PTPRD: variants seen among roughly 807,000 people sequenced by gnomAD.
PTPRD encodes the protein protein tyrosine phosphatase receptor type D, also known as receptor-type tyrosine-protein phosphatase delta.
PTPRD carries 34 observed loss-of-function variants against 214.5 expected under a neutral mutation model. The observed-to-expected ratio is 0.16, with a 90% CI of 0.12 to 0.21. The LOEUF (loss-of-function observed/expected upper bound fraction) is 0.21. PTPRD is among the 10% of genes least tolerant of loss of function. PTPRD has a pLI of 1.00. For synonymous variants in PTPRD, 1,128 were observed against 845.7 expected, an observed-to-expected ratio of 1.33 and a Z score of -5.79; for missense variants, 2,545 against 2,398.7, an observed-to-expected ratio of 1.06 and a Z score of -1.27.
intron 3 of PTPRD, among the ~76,000 whole-genome samples, chr9:10,287,058 A>ATTTTC (rs2095379802): frequency 6.6e-6 from 1 of 152,196 alleles, no homozygotes; most frequent in Admixed American, 6.5e-5. Context: ...GAAGATAGAA[A>ATTTTC]ACATTGCCAA....
At chr9:9,622,187 C>A (rs770068505) in intron 7 of PTPRD, among the ~76,000 whole-genome samples, 1 of 152,142 alleles carries the variant, frequency 6.6e-6, no homozygotes, top group Non-Finnish European at 1.5e-5. Context: ...ATTAGACCTG[C>A]TATGTTCAAC....
At chr9:8,406,885 C>G (rs1053315457) in intron 35 of PTPRD, among the ~76,000 whole-genome samples, 2 of 152,162 alleles carry the variant, frequency 1.3e-5, no homozygotes, top group Non-Finnish European at 2.9e-5. Context: ...TCTTACACAT[C>G]ATTTAAACAT....
intron 2 of PTPRD, among the ~76,000 whole-genome samples, chr9:10,506,743 C>T (rs141839355): frequency 6.6e-6 from 1 of 152,178 alleles, no homozygotes; most frequent in East Asian, 1.9e-4. Flanking sequence ...TCTTTCATGG[C>T]CTTCACTCTG....
At chr9:8,941,344 C>G (rs539308810) in intron 11 of PTPRD, among the ~76,000 whole-genome samples, 63 of 152,134 alleles carry the variant, frequency 4.1e-4, no homozygotes, top group South Asian at 2.1e-4. Context: ...AAATTACACA[C>G]GTATGTGAAA....
intron 36 of PTPRD, among the ~76,000 whole-genome samples, chr9:8,394,934 T>G (rs2090687545): frequency 6.6e-6 from 1 of 151,972 alleles, no homozygotes; most frequent in Non-Finnish European, 1.5e-5. Flanking sequence ...TCCTTGGACT[T>G]TAGCGGGTGA....
At chr9:10,278,019 G>A (rs1365621722) in intron 3 of PTPRD, among the ~76,000 whole-genome samples, 1 of 152,084 alleles carries the variant, frequency 6.6e-6, no homozygotes, top group Non-Finnish European at 1.5e-5. Flanking sequence ...AATTGGCCGG[G>A]TGTGGTGGCG....
intron 9 of PTPRD, among the ~76,000 whole-genome samples, chr9:9,295,827 CG>C (rs1952810112): frequency 6.6e-6 from 1 of 151,776 alleles, no homozygotes; most frequent in Admixed American, 6.6e-5. Context: ...ATCAGGGCTT[CG>C]AAGCATAATT....
At chr9:9,467,851 T>A (rs1245009580) in intron 8 of PTPRD, among the ~76,000 whole-genome samples, 3 of 152,150 alleles carry the variant, frequency 2.0e-5, no homozygotes, top group Non-Finnish European at 4.4e-5. Context: ...TTTCTGTAAA[T>A]CTAATTGGTA....
At position 8,781,447 on chromosome 9, in the gene PTPRD, C is replaced by T. The variant is rs906044278; in HGVS notation, c.-103-47501G>A. ...AAAGACACAGTCAGGAGACCTGTGTCCTAGCTGAGAAAAAGATATGTCAAA... is the reference window on the plus strand; with the variant it reads ...AAAGACACAGTCAGGAGACCTGTGTTCTAGCTGAGAAAAAGATATGTCAAA... On this transcript the variant is annotated intron_variant, in intron 11 of 45. Coordinates refer to ENST00000381196, the MANE Select transcript of PTPRD (RefSeq NM_002839.4). Among the ~76,000 whole-genome samples, 11 of 152,138 alleles carry T rather than the reference C, an allele frequency of 7.2e-5. 1 individual carries two copies. The highest frequency in any genetic ancestry group is 3.4e-3 in the Middle Eastern group (1 of 294).
At chr9:10,598,741 T>G (rs1011224958) in intron 2 of PTPRD, among the ~76,000 whole-genome samples, 4 of 147,286 alleles carry the variant, frequency 2.7e-5, no homozygotes, top group Non-Finnish European at 6.0e-5. Context: ...TGTAGATGGA[T>G]AGACAGAGAG....
At chr9:10,520,395 T>A (rs1033731264) in intron 2 of PTPRD, among the ~76,000 whole-genome samples, 2 of 151,998 alleles carry the variant, frequency 1.3e-5, no homozygotes, top group Non-Finnish European at 2.9e-5. Context: ...AAGAAGAAAA[T>A]CTTGAAACTA....
intron 2 of PTPRD, among the ~76,000 whole-genome samples, chr9:10,472,807 T>C (rs994862003): frequency 1.3e-5 from 2 of 151,942 alleles, no homozygotes; most frequent in African/African-American, 2.4e-5. Context: ...ACCTAAATCA[T>C]TACTTACTGA....
chr9:9,340,845 T>G (rs894801541), intron 9 of PTPRD, among the ~76,000 whole-genome samples: 1 of 152,186 alleles, frequency 6.6e-6, no homozygotes, highest in African/African-American at 2.4e-5. Context: ...GCTGTTACAT[T>G]CCTGAAGAAG....
At chr9:10,557,113 T>A (rs998817182) in intron 2 of PTPRD, among the ~76,000 whole-genome samples, 3 of 152,002 alleles carry the variant, frequency 2.0e-5, no homozygotes, top group African/African-American at 7.2e-5. Context: ...AAAGGACCAT[T>A]TGATTAAAAG....
At chr9:8,438,765 G>C (rs1175350122) in intron 34 of PTPRD, 1 of 152,192 alleles carries the variant, frequency 6.6e-6, no homozygotes, top group African/African-American at 2.4e-5. Flanking sequence ...TTTGGCTAGA[G>C]AGGGAGGACA....
intron 2 of PTPRD, among the ~76,000 whole-genome samples, chr9:10,386,154 T>C (rs966696004): frequency 2.0e-5 from 3 of 151,902 alleles, no homozygotes; most frequent in Admixed American, 6.6e-5. Flanking sequence ...ATAAAATACA[T>C]AGAGTCAAGC....
intron 39 of PTPRD, among the ~76,000 whole-genome samples, chr9:8,359,000 C>G (rs7862021): frequency 0.07 from 10,277 of 146,122 alleles, 1,005 homozygotes; most frequent in African/African-American, 0.22. Context: ...CCCAGCTACT[C>G]GGGAGGCTGA....
At chr9:9,091,159 T>A in intron 10 of PTPRD, 1 of 1,543,066 alleles carries the variant, frequency 6.5e-7, no homozygotes, top group African/African-American at 1.4e-5. Context: ...CAGGAATCGA[T>A]CTCGTGAAGT....
chr9:8,550,749 GC>G (rs1350607819), intron 14 of PTPRD, among the ~76,000 whole-genome samples: 3 of 152,108 alleles, frequency 2.0e-5, no homozygotes, highest in Non-Finnish European at 4.4e-5. Flanking sequence ...AGATCCATTG[GC>G]CCTATAGTCT....
Sources: allele counts gnomAD v4.1 joint callset (sites outside exome capture counted in the v4.1 genomes callset), GRCh38; gene constraint gnomAD v4.1.1; transcripts MANE v1.5; gene names NCBI Gene and HGNC (gene_info 2026-07-23, HGNC 2026-07-21).